The following GULP1 variants were observed in gnomAD, a reference collection of about 807,000 sequenced individuals.
GULP1 encodes PTB domain-containing engulfment adapter protein 1.
GULP1 carries 19 observed loss-of-function variants against 40.9 expected under a neutral mutation model. The ratio of observed to expected loss-of-function variants is 0.46; its 90% CI spans 0.32 to 0.68. The LOEUF is 0.68. GULP1 is among the 30% of genes least tolerant of loss of function. The pLI is 0.03. For synonymous variants in GULP1, 119 were observed against 117.6 expected, an observed-to-expected ratio of 1.01 and a Z score of -0.08; for missense variants, 312 against 362.2, an observed-to-expected ratio of 0.86 and a Z score of 1.12.
At chr2:188,533,047 T>G (rs1383809831) in intron 6 of GULP1, among the ~76,000 whole-genome samples, 1 of 152,218 alleles carries the variant, frequency 6.6e-6, no homozygotes, top group African/African-American at 2.4e-5. Flanking sequence ...AAACCTACCT[T>G]TATGAAACCC....
chr2:188,494,194 A>T (rs2062681229), intron 4 of GULP1, among the ~76,000 whole-genome samples: 1 of 151,956 alleles, frequency 6.6e-6, no homozygotes, highest in South Asian at 2.1e-4. Flanking sequence ...AAATACCATT[A>T]AAAAAACACT....
At chr2:188,398,674 T>G (rs1272526732) in intron 2 of GULP1, among the ~76,000 whole-genome samples, 1 of 152,204 alleles carries the variant, frequency 6.6e-6, no homozygotes. Context: ...TAGGCCTTTT[T>G]TAGTCTAAAC....
intron 2 of GULP1, among the ~76,000 whole-genome samples, chr2:188,402,224 T>C (rs1322907977): frequency 6.6e-6 from 1 of 152,162 alleles, no homozygotes; most frequent in Non-Finnish European, 1.5e-5. Context: ...GTACCTACAG[T>C]AAGGAAAATC....
intron 1 of GULP1, among the ~76,000 whole-genome samples, chr2:188,332,692 A>G (rs2041770717): frequency 6.6e-6 from 1 of 152,072 alleles, no homozygotes; most frequent in African/African-American, 2.4e-5. Context: ...AGTGAGGATC[A>G]GTCTTATCCA....
intron 2 of GULP1, among the ~76,000 whole-genome samples, chr2:188,407,404 T>G (rs1162479873): frequency 6.6e-6 from 1 of 152,174 alleles, no homozygotes; most frequent in Non-Finnish European, 1.5e-5. Flanking sequence ...ATTTTCAGTA[T>G]GAAAGCTAAA....
intron 11 of GULP1, 69 bp downstream of exon 11, chr2:188,588,018 T>G: frequency 1.2e-6 from 1 of 849,524 alleles, no homozygotes; most frequent in Non-Finnish European, 2.1e-6. Flanking sequence ...GAGAATGTTA[T>G]GTACCAAAAC....
chr2:188,501,863 G>A (rs992274486), intron 4 of GULP1, among the ~76,000 whole-genome samples: 1 of 151,920 alleles, frequency 6.6e-6, no homozygotes, highest in African/African-American at 2.4e-5. Flanking sequence ...TAAGTGTCCT[G>A]TTGTCACTGC....
chr2:188,366,925 A>G (rs754646461), intron 1 of GULP1, among the ~76,000 whole-genome samples: 1 of 152,248 alleles, frequency 6.6e-6, no homozygotes, highest in South Asian at 2.1e-4. Context: ...CTTCCACTCA[A>G]GAAAATGTGG....
intron 1 of GULP1, among the ~76,000 whole-genome samples, chr2:188,321,178 T>C (rs2039928167): frequency 6.6e-6 from 1 of 152,164 alleles, no homozygotes; most frequent in Non-Finnish European, 1.5e-5. Flanking sequence ...CAACCTTTTT[T>C]TGAAGTTAAA....
intron 2 of GULP1, among the ~76,000 whole-genome samples, chr2:188,418,896 C>A (rs902719810): frequency 2.0e-5 from 3 of 152,108 alleles, no homozygotes; most frequent in African/African-American, 7.2e-5. Context: ...TCCTGCAGGG[C>A]CTGGCAACCA....
At chr2:188,409,673 C>T (rs772318505) in intron 2 of GULP1, among the ~76,000 whole-genome samples, 1 of 152,064 alleles carries the variant, frequency 6.6e-6, no homozygotes, top group Non-Finnish European at 1.5e-5. Context: ...AATTACAGGC[C>T]AATATCCCTG....
intron 7 of GULP1, among the ~76,000 whole-genome samples, chr2:188,565,748 T>C (rs1697502773): frequency 1.3e-5 from 2 of 152,104 alleles, no homozygotes; most frequent in Admixed American, 1.3e-4. Context: ...TAGTTTCATG[T>C]CTAATAACTA....
intron 1 of GULP1, among the ~76,000 whole-genome samples, chr2:188,332,563 A>G (rs1190198334): frequency 2.0e-5 from 3 of 152,098 alleles, no homozygotes; most frequent in African/African-American, 7.2e-5. Context: ...AAACCTGTGT[A>G]CCTAATTCCT....
intron 7 of GULP1, among the ~76,000 whole-genome samples, chr2:188,558,176 C>G (rs958955384): frequency 6.6e-6 from 1 of 151,932 alleles, no homozygotes; most frequent in African/African-American, 2.4e-5. Context: ...CGGTTTGGCT[C>G]TGTGTCCCCA....
intron 2 of GULP1, among the ~76,000 whole-genome samples, chr2:188,448,150 G>T (rs185271123): frequency 2.9e-4 from 44 of 152,252 alleles, no homozygotes; most frequent in African/African-American, 9.1e-4. Context: ...TGGTAAAATC[G>T]CAAATTAGAA....
chr2:188,536,323 A>T (rs1298739991), intron 6 of GULP1, among the ~76,000 whole-genome samples: 2 of 151,980 alleles, frequency 1.3e-5, no homozygotes, highest in Admixed American at 1.3e-4. Context: ...TTATAGTTTG[A>T]GGTACTACAT....
intron 7 of GULP1, among the ~76,000 whole-genome samples, chr2:188,564,154 ATAAT>A (rs1697052773): frequency 6.6e-6 from 1 of 151,968 alleles, no homozygotes; most frequent in African/African-American, 2.4e-5. Context: ...AGGTAACATC[ATAAT>A]TAATGGTAAA....
intron 6 of GULP1, among the ~76,000 whole-genome samples, chr2:188,535,424 G>A (rs573956951): frequency 1.2e-4 from 18 of 152,066 alleles, no homozygotes; most frequent in Non-Finnish European, 2.5e-4. Flanking sequence ...TCACTTATAA[G>A]TGAGAATATG....
At chr2:188,436,367 A>G (rs894917800) in intron 2 of GULP1, among the ~76,000 whole-genome samples, 1 of 152,128 alleles carries the variant, frequency 6.6e-6, no homozygotes, top group Admixed American at 6.6e-5. Flanking sequence ...AAGTAATACA[A>G]TAGTAACAAA....
Sources: gnomAD v4.1 joint callset for allele counts (sites outside exome capture counted in the v4.1 genomes callset) on GRCh38, gnomAD v4.1.1 for gene constraint, MANE v1.5 for transcripts, NCBI Gene and HGNC (gene_info 2026-07-23, HGNC 2026-07-21) for gene names.